Variants in PCTP observed in about 807,000 individuals in gnomAD.
PCTP encodes phosphatidylcholine transfer protein.
In PCTP, 27 loss-of-function variants were observed where a neutral mutation model predicts 31.0. The ratio of observed to expected loss-of-function variants is 0.87; its 90% CI spans 0.64 to 1.20. The LOEUF is 1.20. Ranked by LOEUF, PCTP falls within the 50% of genes most tolerant of loss-of-function variation. PCTP has a pLI of 0.00. For synonymous variants in PCTP, 108 were observed against 101.2 expected, an observed-to-expected ratio of 1.07 and a Z score of -0.40; for missense variants, 287 against 268.2, an observed-to-expected ratio of 1.07 and a Z score of -0.49.
At chr17:55,790,252 A>G (rs1219073944) in intron 3 of PCTP, among the ~76,000 whole-genome samples, 24 of 152,104 alleles carry the variant, frequency 1.6e-4, no homozygotes, top group South Asian at 1.0e-3. Context: ...ACAAGACAGG[A>G]ATGCCCTCTC....
chr17:55,813,355 T>A (rs1331054544), intron 3 of PCTP, among the ~76,000 whole-genome samples: 1 of 152,206 alleles, frequency 6.6e-6, no homozygotes, highest in East Asian at 1.9e-4. Context: ...CACTGCAACC[T>A]CTGCCTCCCA....
intron 1 of PCTP, among the ~76,000 whole-genome samples, chr17:55,764,697 A>G (rs775284619): frequency 6.6e-6 from 1 of 152,204 alleles, no homozygotes; most frequent in Non-Finnish European, 1.5e-5. Context: ...GAAGACCCTT[A>G]AAGCTTCAGG....
At chr17:55,803,984 C>G (rs1912488078) in intron 3 of PCTP, among the ~76,000 whole-genome samples, 1 of 150,906 alleles carries the variant, frequency 6.6e-6, no homozygotes, top group African/African-American at 2.4e-5. Flanking sequence ...GGTCTAATAT[C>G]CAGAATCTAC....
At chr17:55,769,325 T>C (rs1205259464) in intron 2 of PCTP, 3 of 152,228 alleles carry the variant, frequency 2.0e-5, no homozygotes, top group African/African-American at 7.2e-5. Flanking sequence ...CAAATACTCT[T>C]CCTATTTAGG....
chr17:55,838,421 T>C (rs1411929628), intron 5 of PCTP, among the ~76,000 whole-genome samples: 3 of 152,216 alleles, frequency 2.0e-5, no homozygotes, highest in African/African-American at 7.2e-5. Context: ...GTTCACTTCC[T>C]CAGGAAGCCT....
chr17:55,793,323 C>T (rs1912071319), intron 3 of PCTP, among the ~76,000 whole-genome samples: 2 of 152,008 alleles, frequency 1.3e-5, no homozygotes, highest in Admixed American at 6.6e-5. Context: ...AGGTGCAGGA[C>T]CTCACATTTT....
chr17:55,833,138 T>C (rs188379219), intron 5 of PCTP, among the ~76,000 whole-genome samples: 1 of 152,116 alleles, frequency 6.6e-6, no homozygotes, highest in Admixed American at 6.5e-5. Flanking sequence ...GCAGGAGCAA[T>C]ATTTGAGCAA....
At chr17:55,815,665 G>GA (rs1333346687) in intron 3 of PCTP, among the ~76,000 whole-genome samples, 2 of 152,060 alleles carry the variant, frequency 1.3e-5, no homozygotes, top group South Asian at 2.1e-4. Context: ...TAGTCTAAAG[G>GA]AAAAAAATCC....
At chr17:55,802,302 T>C (rs1335391987) in intron 3 of PCTP, among the ~76,000 whole-genome samples, 1 of 152,192 alleles carries the variant, frequency 6.6e-6, no homozygotes, top group Non-Finnish European at 1.5e-5. Context: ...GAGGAGCTGG[T>C]ACCATTTCTT....
In PCTP at chr17:55,776,722, G is replaced by C; in HGVS notation, c.*622G>C. ...CGTTCCTACTTGTGGAGGATCAGTAGCTGTTATGATGCCAGACCATTTGGA... is the reference window on the plus strand; with the variant it reads ...CGTTCCTACTTGTGGAGGATCAGTACCTGTTATGATGCCAGACCATTTGGA... On this transcript the variant is annotated 3_prime_UTR_variant, in exon 6 of 6. Transcript: ENST00000268896. 8.4e-7 allele frequency: 1 copy of C among 1,194,886 alleles called. No individual in the cohort carries two copies. The highest frequency in any genetic ancestry group is 1.0e-6 in the Non-Finnish European group (1 of 964,836). 74.0% of individuals were successfully genotyped at this position (1,194,886 alleles called of 1,614,324 possible). A position where few individuals can be genotyped will look rare whatever the true frequency, so the allele number is the denominator to read the frequency against.
At chr17:55,805,225 T>C (rs1427679353) in intron 3 of PCTP, among the ~76,000 whole-genome samples, 2 of 152,176 alleles carry the variant, frequency 1.3e-5, no homozygotes, top group Non-Finnish European at 2.9e-5. Context: ...TATTTTATTT[T>C]AGATTCAGGG....
At chr17:55,784,228 G>C (rs1265536037) in intron 2 of PCTP, among the ~76,000 whole-genome samples, 1 of 152,166 alleles carries the variant, frequency 6.6e-6, no homozygotes. Context: ...CAGATAACTA[G>C]GGAGAAGGAA....
At chr17:55,834,575 G>A (rs1046063141) in intron 5 of PCTP, among the ~76,000 whole-genome samples, 1 of 152,180 alleles carries the variant, frequency 6.6e-6, no homozygotes, top group African/African-American at 2.4e-5. Context: ...TTTCACCTGC[G>A]GTCCATCGCT....
chr17:55,757,869 G>A (rs913743270), intron 1 of PCTP, among the ~76,000 whole-genome samples: 19 of 152,132 alleles, frequency 1.2e-4, no homozygotes, highest in African/African-American at 4.3e-4. Context: ...AAAGATGAAA[G>A]TGAGACCAAA....
downstream of PCTP, among the ~76,000 whole-genome samples, chr17:55,781,437 T>A (rs1458106655): frequency 6.6e-6 from 1 of 152,348 alleles, no homozygotes; most frequent in Admixed American, 6.5e-5. Context: ...ATAAATGAAA[T>A]CCAGCACCTT....
At chr17:55,801,304 G>C (rs143534010) in intron 3 of PCTP, among the ~76,000 whole-genome samples, 1 of 152,090 alleles carries the variant, frequency 6.6e-6, no homozygotes, top group Non-Finnish European at 1.5e-5. Flanking sequence ...AGACAGATCA[G>C]TGTGGCAGAA....
rs774418484 is a variant in PCTP at position 55,773,851 on chromosome 17, A to G, written c.467A>G (p.Lys156Arg). The change falls in exon 4 of 6, where the codon AAG (lysine) becomes AGG (arginine). Residue 156 changes from lysine (K) to arginine (R), a missense_variant. Transcript: ENST00000268896. Reference protein sequence around the residue: ...RSGVIRVKQYKQSLAIESDGK... With the variant: ...RSGVIRVKQYRQSLAIESDGK... ...GGGGTGATCCGGGTGAAGCAATACA[A>G]GCAGAGCCTGGCGATCGAGAGTGAC... 1.2e-6 allele frequency: 2 copies of G among 1,612,764 alleles called. No individual in the cohort carries two copies. The highest frequency in any genetic ancestry group is 2.2e-5 in the South Asian group (2 of 90,992).
intron 3 of PCTP, among the ~76,000 whole-genome samples, chr17:55,809,819 C>G (rs890969360): frequency 6.6e-6 from 1 of 152,124 alleles, no homozygotes; most frequent in East Asian, 1.9e-4. Context: ...CCACATCTGG[C>G]CAGAGTGTTC....
intron 1 of PCTP, among the ~76,000 whole-genome samples, chr17:55,754,649 G>C (rs1232681469): frequency 6.6e-6 from 1 of 152,186 alleles, no homozygotes; most frequent in Non-Finnish European, 1.5e-5. Flanking sequence ...ACCCAAGAAG[G>C]CCTGTCCAGA....
Sources: gnomAD v4.1 joint callset for allele counts (sites outside exome capture counted in the v4.1 genomes callset) on GRCh38, gnomAD v4.1.1 for gene constraint, MANE v1.5 for transcripts, NCBI Gene and HGNC (gene_info 2026-07-23, HGNC 2026-07-21) for gene names.